The following TENM3 variants were observed in gnomAD, a reference collection of about 807,000 sequenced individuals.
TENM3 encodes the protein teneurin-3.
TENM3 carries 63 observed loss-of-function variants against 255.1 expected under a neutral mutation model. That is an observed-to-expected ratio of 0.25 (90% confidence interval 0.20 to 0.30). TENM3 has a LOEUF of 0.30. Among genes scored for constraint, TENM3 ranks in the 10% least tolerant of loss-of-function variants. TENM3 has a pLI of 1.00. For missense variants in TENM3, 2,929 were observed against 3,461.1 expected (o/e 0.85, Z 3.86); for synonymous variants, 1,306 against 1,322.3 (o/e 0.99, Z 0.27).
At chr4:181,543,932 T>C in the TENM3 span, among the ~76,000 whole-genome samples, 2 of 152,294 alleles carry the variant, frequency 1.3e-5, no homozygotes, top group East Asian at 3.9e-4. Context: ...AATTTTCTCT[T>C]CCTGAAATTC....
At chr4:182,718,291 C>T (rs1759373738) in intron 13 of TENM3, among the ~76,000 whole-genome samples, 1 of 152,218 alleles carries the variant, frequency 6.6e-6, no homozygotes, top group Non-Finnish European at 1.5e-5. Context: ...CTGCTTTCTT[C>T]TACCTTAGAA....
At chr4:181,770,796 A>G in the TENM3 span, among the ~76,000 whole-genome samples, 1 of 152,264 alleles carries the variant, frequency 6.6e-6, no homozygotes, top group African/African-American at 2.4e-5. Context: ...AACACTATCT[A>G]TGATATGTAT....
chr4:181,933,583 G>A, the TENM3 span, among the ~76,000 whole-genome samples: 1,271 of 152,232 alleles, frequency 8.3e-3, 8 homozygotes, highest in Non-Finnish European at 0.012. Flanking sequence ...GCAAATCAAG[G>A]GTTAATAGGT....
chr4:181,803,254 A>C, the TENM3 span, among the ~76,000 whole-genome samples: 3 of 152,314 alleles, frequency 2.0e-5, no homozygotes, highest in Non-Finnish European at 4.4e-5. Context: ...TAAATATCCA[A>C]ACAATTACAA....
intron 3 of TENM3, among the ~76,000 whole-genome samples, chr4:182,567,753 T>TTA (rs1371807121): frequency 6.6e-6 from 1 of 151,808 alleles, no homozygotes; most frequent in Non-Finnish European, 1.5e-5. Context: ...TATTTTTTTT[T>TTA]TATATAAAAC....
intron 1 of TENM3, among the ~76,000 whole-genome samples, chr4:182,270,612 G>A (rs971448824): frequency 9.2e-5 from 14 of 152,286 alleles, no homozygotes; most frequent in African/African-American, 3.4e-4. Flanking sequence ...TGTTCAGTCT[G>A]TTGGAGGCTT....
chr4:181,540,950 C>T, the TENM3 span, among the ~76,000 whole-genome samples: 3 of 152,062 alleles, frequency 2.0e-5, no homozygotes, highest in African/African-American at 7.3e-5. Context: ...CGAGGGGAAG[C>T]TGAATGTGGG....
chr4:181,461,170 C>CT, the TENM3 span, among the ~76,000 whole-genome samples: 92 of 151,292 alleles, frequency 6.1e-4, no homozygotes, highest in African/African-American at 1.6e-3. Context: ...TTTTGTTTAT[C>CT]TTTTTTTTTC....
intron 3 of TENM3, among the ~76,000 whole-genome samples, chr4:182,380,915 A>G (rs1475954311): frequency 1.3e-5 from 2 of 152,152 alleles, no homozygotes; most frequent in Non-Finnish European, 2.9e-5. Context: ...CTGACCTCAT[A>G]TGAAACCTCC....
At chr4:182,621,452 G>A (rs1457297295) in intron 4 of TENM3, among the ~76,000 whole-genome samples, 1 of 149,578 alleles carries the variant, frequency 6.7e-6, no homozygotes, top group Non-Finnish European at 1.5e-5. Flanking sequence ...TCTGAGGAGG[G>A]GTACTTCTGA....
chr4:181,748,710 C>T, the TENM3 span, among the ~76,000 whole-genome samples: 36 of 151,988 alleles, frequency 2.4e-4, no homozygotes, highest in African/African-American at 7.0e-4. Flanking sequence ...TCATCTATAA[C>T]GTTAACAGTC....
At chr4:182,679,619 C>A in intron 7 of TENM3, 47 bp from the exon 8 acceptor site, 1 of 1,432,806 alleles carries the variant, frequency 7.0e-7, no homozygotes, top group Non-Finnish European at 9.6e-7. Flanking sequence ...AAGAGAGAAG[C>A]AGCCACCCTT....
the TENM3 span, among the ~76,000 whole-genome samples, chr4:181,665,028 G>C: frequency 2.6e-5 from 4 of 152,044 alleles, no homozygotes; most frequent in South Asian, 6.2e-4. Context: ...TTTATTAGGG[G>C]GGTGCCACTC....
chr4:182,346,994 G>A, intron 3 of TENM3, 65 bp downstream of exon 3: 1 of 1,075,796 alleles, frequency 9.3e-7, no homozygotes, highest in Non-Finnish European at 1.2e-6. Context: ...GGTTGACTCC[G>A]CGGGGGGGGA....
At chr4:182,206,404 G>A (rs1754580841) in intron 1 of TENM3, among the ~76,000 whole-genome samples, 3 of 152,204 alleles carry the variant, frequency 2.0e-5, no homozygotes, top group Admixed American at 2.0e-4. Flanking sequence ...CAAGGAGTCT[G>A]TTATGGGCCA....
At chr4:181,659,579 A>T in the TENM3 span, among the ~76,000 whole-genome samples, 2 of 152,192 alleles carry the variant, frequency 1.3e-5, no homozygotes, top group Non-Finnish European at 2.9e-5. Flanking sequence ...ATTTCTTCTA[A>T]CTAAACATTA....
intron 7 of TENM3, 94 bp from the exon 8 acceptor site, chr4:182,679,572 T>A (rs1443586074): frequency 2.0e-6 from 2 of 994,858 alleles, no homozygotes; most frequent in African/African-American, 3.3e-5. Flanking sequence ...ATTGTATTTG[T>A]TAGAGCAAAG....
At chr4:182,692,600 C>T (rs981134483) in intron 12 of TENM3, among the ~76,000 whole-genome samples, 7 of 152,292 alleles carry the variant, frequency 4.6e-5, no homozygotes, top group African/African-American at 1.4e-4. Flanking sequence ...GGCTGATTGG[C>T]ATTTTCCATT....
the TENM3 span, among the ~76,000 whole-genome samples, chr4:181,463,238 C>T: frequency 6.6e-6 from 1 of 152,160 alleles, no homozygotes; most frequent in African/African-American, 2.4e-5. Context: ...TTTTCTTTAA[C>T]ATCCATGTCA....
Sources: gnomAD v4.1 joint callset for allele counts (sites outside exome capture counted in the v4.1 genomes callset) on GRCh38, gnomAD v4.1.1 for gene constraint, MANE v1.5 for transcripts, NCBI Gene and HGNC (gene_info 2026-07-23, HGNC 2026-07-21) for gene names.